The following TBL1XR1 variants were observed in gnomAD, a reference collection of about 807,000 sequenced individuals.
TBL1XR1 encodes TBL1X/Y related 1, also known as F-box-like/WD repeat-containing protein TBL1XR1.
In TBL1XR1, 5 loss-of-function variants were observed where a neutral mutation model predicts 66.9. The observed-to-expected ratio is 0.07, with a 90% CI of 0.04 to 0.16. The LOEUF is 0.16. Among genes scored for constraint, TBL1XR1 ranks in the 10% least tolerant of loss-of-function variants. The pLI, the probability that TBL1XR1 is intolerant of heterozygous loss-of-function variation, is 1.00. For synonymous variants in TBL1XR1, 210 were observed against 206.0 expected (o/e 1.02, Z -0.17); for missense variants, 238 against 623.2 (o/e 0.38, Z 6.58).
rs762576223 is a variant in TBL1XR1 at position 177,051,598 on chromosome 3, A to T, written c.333T>A (p.Ala111=). The T allele has an allele frequency of 1.2e-6, 2 of 1,612,254 alleles. No individual in the cohort carries two copies. Among genetic ancestry groups the T allele is most frequent in the Non-Finnish European group, 1.7e-6 (2 of 1,178,688 alleles). The change falls in exon 5 of 16, where the codon GCT becomes GCA. Residue 111 remains alanine (A), a synonymous_variant. Transcript: ENST00000457928. ...GGCTGGCTGCAGCTGCGGCAGCTGC[A>T]GCAGCTGCTGCCTGTTGCTGTGCAA... ...DKLAQQQAAA[A]AAAAAAASQQ...
chr3:177,175,841 G>A (rs995752151), intron 1 of TBL1XR1, among the ~76,000 whole-genome samples: 6 of 151,962 alleles, frequency 3.9e-5, no homozygotes, highest in Non-Finnish European at 7.4e-5. Flanking sequence ...TGCGGATCTC[G>A]AGGTCAGGAG....
At chr3:177,040,345 T>C (rs536499369) in intron 10 of TBL1XR1, among the ~76,000 whole-genome samples, 2 of 152,242 alleles carry the variant, frequency 1.3e-5, no homozygotes, top group Admixed American at 1.3e-4. Context: ...AGTTTAGCTA[T>C]GTATACTAAT....
At chr3:177,063,746 C>T (rs1166553836) in intron 3 of TBL1XR1, among the ~76,000 whole-genome samples, 2 of 152,162 alleles carry the variant, frequency 1.3e-5, no homozygotes, top group Non-Finnish European at 2.9e-5. Context: ...CTATTAACTT[C>T]AAAGCTTCAT....
intron 1 of TBL1XR1, among the ~76,000 whole-genome samples, chr3:177,173,732 T>C (rs970314403): frequency 1.3e-5 from 2 of 152,238 alleles, no homozygotes; most frequent in African/African-American, 4.8e-5. Flanking sequence ...TTTAGTATTA[T>C]ACCAATGTTC....
At chr3:177,051,465 A>G in intron 5 of TBL1XR1, 39 bp downstream of exon 5, 1 of 1,536,674 alleles carries the variant, frequency 6.5e-7, no homozygotes. Flanking sequence ...ATAAATAAAT[A>G]AACCATGTAA....
chr3:177,149,326 A>T lies in TBL1XR1; in HGVS notation c.-122+47795T>A, dbSNP rs1400237635. 2.0e-5 allele frequency among the ~76,000 whole-genome samples: 3 copies of T among 152,130 alleles called. No homozygotes were observed. The South Asian group carries it at 6.2e-4, about 32-fold the overall frequency. On this transcript the variant is annotated intron_variant, in intron 1 of 15. Transcript: ENST00000457928. Reference sequence around the variant, plus strand: ...CAATGTTCCCAGAAGCTTGGACTTAAATCTATATCTCTAGCACTCCCCCAA... The same window carrying T: ...CAATGTTCCCAGAAGCTTGGACTTATATCTATATCTCTAGCACTCCCCCAA...
chr3:177,189,102 G>C (rs1465972653), intron 1 of TBL1XR1, among the ~76,000 whole-genome samples: 1 of 152,074 alleles, frequency 6.6e-6, no homozygotes, highest in Non-Finnish European at 1.5e-5. Flanking sequence ...CAGCTACTCA[G>C]GAGGCTGAGG....
intron 1 of TBL1XR1, among the ~76,000 whole-genome samples, chr3:177,177,050 G>A (rs1484075045): frequency 1.3e-5 from 2 of 152,128 alleles, no homozygotes; most frequent in Non-Finnish European, 2.9e-5. Context: ...GTCTGGTTCC[G>A]GTTGCTCCTA....
chr3:177,169,017 C>A (rs1733151686), intron 1 of TBL1XR1, among the ~76,000 whole-genome samples: 1 of 151,950 alleles, frequency 6.6e-6, no homozygotes, highest in African/African-American at 2.4e-5. Context: ...TTTTAGGATT[C>A]TTGAATCCCT....
At chr3:177,174,348 G>A (rs1733908129) in intron 1 of TBL1XR1, among the ~76,000 whole-genome samples, 1 of 140,494 alleles carries the variant, frequency 7.1e-6, no homozygotes, top group African/African-American at 2.6e-5. Context: ...GGCAGAGCTT[G>A]CAGTGAGCTG....
intron 1 of TBL1XR1, chr3:177,196,423 T>G (rs1010244098): frequency 6.6e-6 from 1 of 151,602 alleles, no homozygotes; most frequent in Admixed American, 6.6e-5. Context: ...CTTAAGACGA[T>G]AAAAAGCACT....
At chr3:177,071,048 T>TTTTTTTTTTTTTTTTTTTTTTTTTTA (rs1719931112) in intron 2 of TBL1XR1, among the ~76,000 whole-genome samples, 1 of 144,200 alleles carries the variant, frequency 6.9e-6, no homozygotes, top group African/African-American at 2.5e-5. Context: ...TTTTTTTTTT[T>TTTTTTTTTTTTTTTTTTTTTTTTTTA]GAGACAGAGT....
At chr3:177,041,611 T>C (rs1333404811) in intron 10 of TBL1XR1, among the ~76,000 whole-genome samples, 1 of 152,232 alleles carries the variant, frequency 6.6e-6, no homozygotes, top group Non-Finnish European at 1.5e-5. Flanking sequence ...GTGTGAACTC[T>C]GCCTCTACTT....
intron 2 of TBL1XR1, among the ~76,000 whole-genome samples, chr3:177,067,814 A>G (rs1719366519): frequency 6.6e-6 from 1 of 152,184 alleles, no homozygotes; most frequent in Non-Finnish European, 1.5e-5. Context: ...AGTGGACTTA[A>G]TAAGGCTTTG....
chr3:177,079,644 C>G (rs1721153740), intron 2 of TBL1XR1: 1 of 151,444 alleles, frequency 6.6e-6, no homozygotes, highest in Admixed American at 6.6e-5. Context: ...AAATAATAGT[C>G]AAACGTCAAG....
chr3:177,096,728 T>G (rs891290454), intron 2 of TBL1XR1, among the ~76,000 whole-genome samples: 9 of 152,332 alleles, frequency 5.9e-5, no homozygotes, highest in South Asian at 2.1e-4. Context: ...TCTGTTTCTT[T>G]CATGAGAAAC....
intron 1 of TBL1XR1, among the ~76,000 whole-genome samples, chr3:177,196,722 T>C (rs73041650): frequency 0.072 from 8,510 of 118,742 alleles, 683 homozygotes; most frequent in African/African-American, 0.2. Flanking sequence ...CTGCAAATCC[T>C]TTCCTGAAAG....
At chr3:177,158,092 T>C (rs1731726494) in intron 1 of TBL1XR1, among the ~76,000 whole-genome samples, 1 of 151,906 alleles carries the variant, frequency 6.6e-6, no homozygotes, top group African/African-American at 2.4e-5. Flanking sequence ...ACCACGGTAG[T>C]TTTCAATAAA....
intron 1 of TBL1XR1, among the ~76,000 whole-genome samples, chr3:177,157,412 C>T (rs1340194732): frequency 6.6e-6 from 1 of 152,058 alleles, no homozygotes; most frequent in African/African-American, 2.4e-5. Flanking sequence ...TTTTAAGGAT[C>T]TGTATGATGA....
Sources: allele counts gnomAD v4.1 joint callset (sites outside exome capture counted in the v4.1 genomes callset), GRCh38; gene constraint gnomAD v4.1.1; transcripts MANE v1.5; gene names NCBI Gene and HGNC (gene_info 2026-07-23, HGNC 2026-07-21).